SMOC1: variants seen among roughly 807,000 people sequenced by gnomAD.
SMOC1 encodes SPARC related modular calcium binding 1.
A neutral mutation model predicts 56.3 loss-of-function variants in SMOC1; 22 were observed. The observed-to-expected ratio is 0.39, with a 90% CI of 0.28 to 0.56. SMOC1 has a LOEUF of 0.56. Among genes scored for constraint, SMOC1 ranks in the 20% least tolerant of loss-of-function variants. The pLI is 0.61. For missense variants in SMOC1, 509 were observed against 565.4 expected (o/e 0.90, Z 1.01); for synonymous variants, 193 against 215.0 (o/e 0.90, Z 0.89).
chr14:69,940,102 C>T (rs1043191769), intron 1 of SMOC1, among the ~76,000 whole-genome samples: 1 of 152,210 alleles, frequency 6.6e-6, no homozygotes, highest in Non-Finnish European at 1.5e-5. Flanking sequence ...AGAATCTCTA[C>T]AAGTCTCTTG....
At chr14:70,022,164 C>T (rs12436175) in intron 10 of SMOC1, among the ~76,000 whole-genome samples, 2 of 152,104 alleles carry the variant, frequency 1.3e-5, no homozygotes, top group Admixed American at 6.5e-5. Flanking sequence ...CCATTCTCCT[C>T]GTTAGTGAAC....
At chr14:70,019,573 G>T (rs1309668722) in intron 10 of SMOC1, among the ~76,000 whole-genome samples, 1 of 152,220 alleles carries the variant, frequency 6.6e-6, no homozygotes, top group East Asian at 1.9e-4. Context: ...ATGTGTGCTT[G>T]TGTGAGACAG....
chr14:69,892,454 C>T (rs1036452755), intron 1 of SMOC1, among the ~76,000 whole-genome samples: 52 of 152,172 alleles, frequency 3.4e-4, no homozygotes, highest in African/African-American at 1.1e-3. Flanking sequence ...CAAGCTGTAT[C>T]GGAAATGACA....
At chr14:69,906,482 C>A (rs2139336644) in intron 1 of SMOC1, among the ~76,000 whole-genome samples, 1 of 152,276 alleles carries the variant, frequency 6.6e-6, no homozygotes, top group African/African-American at 2.4e-5. Context: ...ATGATTCCTG[C>A]CCCCAGCCGT....
intron 1 of SMOC1, among the ~76,000 whole-genome samples, chr14:69,889,658 A>G (rs976752031): frequency 2.0e-5 from 3 of 152,224 alleles, no homozygotes; most frequent in Admixed American, 1.3e-4. Flanking sequence ...AATGAACACA[A>G]ACTTAGTGAC....
At chr14:69,925,969 C>G (rs1884999668) in intron 1 of SMOC1, among the ~76,000 whole-genome samples, 1 of 152,170 alleles carries the variant, frequency 6.6e-6, no homozygotes, top group South Asian at 2.1e-4. Flanking sequence ...GCCCCCCACT[C>G]TCCCGCAGAG....
intron 10 of SMOC1, among the ~76,000 whole-genome samples, chr14:70,014,484 C>G (rs1253614049): frequency 2.0e-5 from 3 of 152,186 alleles, no homozygotes; most frequent in Non-Finnish European, 4.4e-5. Flanking sequence ...AAGTGCATGT[C>G]TGTGGTTCAG....
chr14:69,879,912 C>G, intron 1 of SMOC1, 135 bp downstream of exon 1: 1 of 756,002 alleles, frequency 1.3e-6, no homozygotes, highest in South Asian at 2.1e-5. Flanking sequence ...AGGTCCCCTG[C>G]GGGCTTGGTG....
intron 1 of SMOC1, among the ~76,000 whole-genome samples, chr14:69,913,345 C>T (rs1448816071): frequency 6.6e-6 from 1 of 152,102 alleles, no homozygotes; most frequent in African/African-American, 2.4e-5. Flanking sequence ...CCTAGGAAGA[C>T]AAAATAAGCA....
At chr14:69,959,838 G>T (rs1015672696) in intron 3 of SMOC1, among the ~76,000 whole-genome samples, 1 of 152,124 alleles carries the variant, frequency 6.6e-6, no homozygotes, top group Non-Finnish European at 1.5e-5. Flanking sequence ...GGGCTCTATT[G>T]TCATTTCCAT....
At chr14:69,920,435 GA>G (rs1369384283) in intron 1 of SMOC1, among the ~76,000 whole-genome samples, 2 of 152,216 alleles carry the variant, frequency 1.3e-5, no homozygotes, top group Non-Finnish European at 2.9e-5. Context: ...GCTATTGCTA[GA>G]ACTAGGACGT....
intron 3 of SMOC1, among the ~76,000 whole-genome samples, chr14:69,961,512 C>G (rs1883378952): frequency 6.6e-6 from 1 of 151,700 alleles, no homozygotes; most frequent in Admixed American, 6.6e-5. Flanking sequence ...TCCTGAGTAG[C>G]TGGGACCACA....
In SMOC1 at chr14:69,879,463, C is replaced by T. The variant is rs1431623030; in HGVS notation, c.-216C>T. Reference sequence around the variant, plus strand: ...TGGGCCCCGCCGAGCGGAGCTAGCGCCGCGCGCAGAGCACACGCTCGCGCT... The same window carrying T: ...TGGGCCCCGCCGAGCGGAGCTAGCGTCGCGCGCAGAGCACACGCTCGCGCT... On this transcript the variant is annotated 5_prime_UTR_variant, in exon 1 of 12. Transcript: ENST00000361956. 3 of 403,690 alleles carry T rather than the reference C, an allele frequency of 7.4e-6. No individual in the cohort carries two copies. The highest frequency in any genetic ancestry group is 1.3e-5 in the Non-Finnish European group (3 of 231,790). The allele number at this position is 403,690 out of a possible 1,614,324, so 25.0% of individuals were successfully genotyped here.
chr14:69,884,040 G>A (rs1242049099), intron 1 of SMOC1, among the ~76,000 whole-genome samples: 8 of 151,290 alleles, frequency 5.3e-5, no homozygotes, highest in Non-Finnish European at 1.2e-4. Flanking sequence ...CCGAGTAGCT[G>A]GGACTACAGG....
chr14:69,945,981 G>A (rs553085772), intron 1 of SMOC1, among the ~76,000 whole-genome samples: 6 of 152,314 alleles, frequency 3.9e-5, no homozygotes, highest in Non-Finnish European at 5.9e-5. Flanking sequence ...CTAACAGGTG[G>A]AAGTTAAGAG....
chr14:69,918,178 A>AGG (rs1884736286), intron 1 of SMOC1, among the ~76,000 whole-genome samples: 1 of 152,218 alleles, frequency 6.6e-6, no homozygotes, highest in Admixed American at 6.5e-5. Flanking sequence ...ATTATAATTA[A>AGG]CTAGAGTTGC....
At chr14:70,009,566 T>C (rs1463437778) in intron 7 of SMOC1, among the ~76,000 whole-genome samples, 1 of 152,198 alleles carries the variant, frequency 6.6e-6, no homozygotes, top group Non-Finnish European at 1.5e-5. Flanking sequence ...TCTGTAAACA[T>C]TCAGTGGGTG....
chr14:69,938,000 G>T (rs960505690), intron 1 of SMOC1, among the ~76,000 whole-genome samples: 1 of 152,154 alleles, frequency 6.6e-6, no homozygotes, highest in African/African-American at 2.4e-5. Context: ...GTGCTGTAAG[G>T]GAGTGGATTT....
intron 2 of SMOC1, among the ~76,000 whole-genome samples, chr14:69,952,970 T>C (rs1594820391): frequency 6.6e-6 from 1 of 152,330 alleles, no homozygotes; most frequent in East Asian, 1.9e-4. Flanking sequence ...GTATTTGAAT[T>C]TGTGACCCCG....
Sources: gnomAD v4.1 joint callset for allele counts (sites outside exome capture counted in the v4.1 genomes callset) on GRCh38, gnomAD v4.1.1 for gene constraint, MANE v1.5 for transcripts, NCBI Gene and HGNC (gene_info 2026-07-23, HGNC 2026-07-21) for gene names.